TSC22D2: variants seen among roughly 807,000 people sequenced by gnomAD.
TSC22D2 encodes TSC22 domain family member 2, also known as TSC22 domain family protein 2.
Under a neutral mutation model 50.1 loss-of-function variants are expected in TSC22D2, and 5 were observed. The observed-to-expected ratio is 0.10, with a 90% CI of 0.05 to 0.21. The LOEUF is 0.21. Among genes scored for constraint, TSC22D2 ranks in the 10% least tolerant of loss-of-function variants. TSC22D2 has a pLI of 1.00. For missense variants in TSC22D2, 1,003 were observed against 1,015.5 expected, an observed-to-expected ratio of 0.99 and a Z score of 0.17; for synonymous variants, 501 against 450.1, an observed-to-expected ratio of 1.11 and a Z score of -1.43.
chr3:150,410,588 TG>T lies in TSC22D2; in HGVS notation c.1241del (p.Gly414AlafsTer128). ...CCCGCCACGGCGGCCACCCTTCCCG[TG>T]GGCACCGGCCAGAATGCTTCCTCGG... ...ASPATAATLPVGTGQNASSVG... is the reference protein window; with the variant it reads ...ASPATAATLPXGTGQNASSVG... On this transcript the variant is annotated frameshift_variant, in exon 1 of 3. Transcript: ENST00000688009. LOFTEE classifies it high-confidence loss of function. 1 of 1,557,394 alleles carries T rather than the reference TG, an allele frequency of 6.4e-7. No homozygotes were observed. The highest frequency in any genetic ancestry group is 8.7e-7 in the Non-Finnish European group (1 of 1,152,728).
chr3:150,426,330 A>G (rs1024177765), intron 1 of TSC22D2, among the ~76,000 whole-genome samples: 4 of 152,156 alleles, frequency 2.6e-5, no homozygotes, highest in Admixed American at 6.5e-5. Context: ...TTGACTTCCT[A>G]TTTTCTAAAG....
intron 1 of TSC22D2, among the ~76,000 whole-genome samples, chr3:150,411,996 G>A (rs1390770816): frequency 3.9e-5 from 6 of 152,152 alleles, no homozygotes; most frequent in African/African-American, 9.7e-5. Context: ...GGGAGGTTGA[G>A]ATCGATCCTT....
At chr3:150,446,537 C>G (rs1042259791) in intron 1 of TSC22D2, among the ~76,000 whole-genome samples, 2 of 152,102 alleles carry the variant, frequency 1.3e-5, no homozygotes, top group African/African-American at 4.8e-5. Context: ...TGCTCAAACC[C>G]AAGCCACTAT....
Position 150,464,938 on chromosome 3 carries a change from T to G in TSC22D2, c.*6302T>G, listed in dbSNP as rs1721511717. On this transcript the variant is annotated 3_prime_UTR_variant, in exon 3 of 3. Coordinates refer to ENST00000688009, the MANE Select transcript of TSC22D2 (RefSeq NM_001303264.2). ...TGTCTATTGTCTCATAAGCAACAAG[T>G]GACACTTATTATCTTGGCTGACAAA... 6.6e-6 allele frequency: 1 copy of G among 152,212 alleles called. No individual in the cohort carries two copies. The highest frequency in any genetic ancestry group is 2.1e-4 in the South Asian group (1 of 4,834). The allele number at this position is 152,212 out of a possible 1,614,324, so 9.4% of individuals were successfully genotyped here.
intron 1 of TSC22D2, among the ~76,000 whole-genome samples, chr3:150,442,994 G>A (rs976843355): frequency 4.6e-5 from 7 of 152,122 alleles, no homozygotes; most frequent in African/African-American, 1.7e-4. Flanking sequence ...CAGAACCAAT[G>A]CCCTTTTATT....
intron 1 of TSC22D2, among the ~76,000 whole-genome samples, chr3:150,422,228 G>A (rs1720034251): frequency 6.6e-6 from 1 of 152,216 alleles, no homozygotes; most frequent in South Asian, 2.1e-4. Flanking sequence ...GGTTGAAGGT[G>A]GGGGAGACTA....
rs182655888 is a variant in TSC22D2, at chr3:150,431,663, A to G, written c.1958+20355A>G. ...TGCTTAGCTAGTTTGTACTATTGGG[A>G]GTATTCGAAAGGCAAGGGAGTACTG... On this transcript the variant is annotated intron_variant, in intron 1 of 2. Transcript: ENST00000688009. 2.7e-3 allele frequency among the ~76,000 whole-genome samples: 406 copies of G among 152,284 alleles called. 3 individuals carry two copies. The highest frequency in any genetic ancestry group is 0.014 in the Middle Eastern group (4 of 294).
At chr3:150,454,177 A>T (rs1433775783) in intron 1 of TSC22D2, among the ~76,000 whole-genome samples, 1 of 152,214 alleles carries the variant, frequency 6.6e-6, no homozygotes, top group African/African-American at 2.4e-5. Context: ...ACAGCATCAC[A>T]GAAGAGATGG....
rs1281648998 is a variant in TSC22D2, at chr3:150,463,682, G to A, written c.*5046G>A. 1 of 152,156 alleles carries A rather than the reference G, an allele frequency of 6.6e-6. No homozygotes were observed. The highest frequency in any genetic ancestry group is 2.4e-5 in the African/African-American group (1 of 41,434). 9.4% of individuals were successfully genotyped at this position (152,156 alleles called of 1,614,324 possible). The stretch of plus-strand genomic sequence containing the variant: ...CTGTGTTCATAGATGAAAATGCTAA[G>A]TGAGGCACTCTGAAGCAAGTTAAAG... On this transcript the variant is annotated 3_prime_UTR_variant, in exon 3 of 3. Transcript: ENST00000688009.
At chr3:150,456,940 T>A in intron 1 of TSC22D2, 136 bp from the exon 2 acceptor site, 1 of 727,684 alleles carries the variant, frequency 1.4e-6, no homozygotes, top group Admixed American at 2.9e-5. Flanking sequence ...GTACTGAAAT[T>A]GTCAGAACAG....
intron 1 of TSC22D2, among the ~76,000 whole-genome samples, chr3:150,435,426 G>T (rs961128645): frequency 2.0e-5 from 3 of 152,080 alleles, no homozygotes; most frequent in African/African-American, 7.2e-5. Flanking sequence ...GAATGACTCT[G>T]TGTAATTTAT....
intron 1 of TSC22D2, among the ~76,000 whole-genome samples, chr3:150,451,992 G>T (rs1422924255): frequency 6.6e-6 from 1 of 152,118 alleles, no homozygotes; most frequent in Non-Finnish European, 1.5e-5. Context: ...GAGTAACTAG[G>T]ACCGTGGGCT....
intron 1 of TSC22D2, among the ~76,000 whole-genome samples, chr3:150,424,180 A>C (rs1436465646): frequency 6.6e-6 from 1 of 152,190 alleles, no homozygotes; most frequent in Admixed American, 6.5e-5. Context: ...AGGAAGTTTT[A>C]AAATTTGTAG....
intron 1 of TSC22D2, among the ~76,000 whole-genome samples, chr3:150,416,774 A>C (rs1719820639): frequency 6.6e-6 from 1 of 152,172 alleles, no homozygotes; most frequent in South Asian, 2.1e-4. Context: ...TTGGTTTAAT[A>C]ATATTAAAGG....
intron 1 of TSC22D2, among the ~76,000 whole-genome samples, chr3:150,427,623 C>T (rs576834582): frequency 6.6e-6 from 1 of 152,086 alleles, no homozygotes; most frequent in African/African-American, 2.4e-5. Flanking sequence ...ATATTCCTTA[C>T]TAATTTGTAC....
intron 1 of TSC22D2, among the ~76,000 whole-genome samples, chr3:150,454,967 C>A (rs888951097): frequency 4.0e-5 from 6 of 150,092 alleles, no homozygotes; most frequent in Non-Finnish European, 7.4e-5. Flanking sequence ...TTTTAATTAT[C>A]AAAAAAAAAC....
In TSC22D2 at chr3:150,459,328, GA is replaced by G. The variant is rs1721300217; in HGVS notation, c.*694del. On this transcript the variant is annotated 3_prime_UTR_variant, in exon 3 of 3. Transcript: ENST00000688009. ...AAATTTTGTATAGTGTAAGTATGAA[GA>G]ACATAGTGCAACTGTACAGGTAGTC... is the stretch of plus-strand genomic sequence containing the variant. The G allele has an allele frequency of 6.6e-6, 1 of 152,552 alleles. No individual in the cohort carries two copies. The highest frequency in any genetic ancestry group is 2.4e-5 in the African/African-American group (1 of 41,440). The allele number at this position is 152,552 out of a possible 1,614,324, so 9.4% of individuals were successfully genotyped here.
chr3:150,411,252 C>G lies in TSC22D2; in HGVS notation c.1902C>G (p.Asn634Lys), dbSNP rs1576539639. Residue 634 changes from asparagine (N) to lysine (K), a missense_variant, in exon 1 of 3, where the codon AAC (asparagine) becomes AAG (lysine). By Grantham distance (94) the Asn-to-Lys change is moderately conservative. Transcript: ENST00000688009. ...ACCCCCTTCAGTTAACACCTATGAA[C>G]AGTCTGGCCACCTCTGTATTCAGCA... is the stretch of plus-strand genomic sequence containing the variant. ...LANPLQLTPM[N>K]SLATSVFSIA... 5.0e-6 allele frequency: 8 copies of G among 1,614,062 alleles called. No individual in the cohort carries two copies. Among genetic ancestry groups the G allele is most frequent in the African/African-American group, 1.3e-5 (1 of 74,914 alleles).
At chr3:150,413,770 T>C (rs995164561) in intron 1 of TSC22D2, among the ~76,000 whole-genome samples, 15 of 152,082 alleles carry the variant, frequency 9.9e-5, no homozygotes, top group African/African-American at 3.6e-4. Context: ...GTTTTCAAAT[T>C]TGAAATAAAA....
Sources: allele counts gnomAD v4.1 joint callset (sites outside exome capture counted in the v4.1 genomes callset), GRCh38; gene constraint gnomAD v4.1.1; transcripts MANE v1.5; gene names NCBI Gene and HGNC (gene_info 2026-07-23, HGNC 2026-07-21).